The following NOX4 variants were observed in gnomAD, a reference collection of about 807,000 sequenced individuals.
NOX4 encodes NADPH oxidase 4.
NOX4 carries 69 observed loss-of-function variants against 87.6 expected under a neutral mutation model. That is an observed-to-expected ratio of 0.79 (90% CI 0.65 to 0.96). NOX4 has a LOEUF of 0.96. Among genes scored for constraint, NOX4 ranks in the 40% least tolerant of loss-of-function variants. NOX4 has a pLI of 0.00. For missense variants in NOX4, 680 were observed against 681.5 expected (o/e 1.00, Z 0.02); for synonymous variants, 275 against 238.2 (o/e 1.15, Z -1.42).
chr11:89,399,170 T>C (rs1485157886), intron 11 of NOX4, among the ~76,000 whole-genome samples: 11 of 151,626 alleles, frequency 7.3e-5, no homozygotes, highest in Non-Finnish European at 1.3e-4. Flanking sequence ...TCATATTTGA[T>C]GGTGTCCATT....
At chr11:89,396,444 C>T (rs557412170) in intron 11 of NOX4, among the ~76,000 whole-genome samples, 1 of 152,064 alleles carries the variant, frequency 6.6e-6, no homozygotes, top group Non-Finnish European at 1.5e-5. Context: ...ATCATGTTAT[C>T]TGCAAACAGG....
At chr11:89,362,248 T>G (rs1938584302) in intron 12 of NOX4, among the ~76,000 whole-genome samples, 1 of 151,980 alleles carries the variant, frequency 6.6e-6, no homozygotes, top group South Asian at 2.1e-4. Context: ...GATCTCCACT[T>G]TGTACTGAGA....
At chr11:89,385,203 T>C (rs1244441809) in intron 11 of NOX4, among the ~76,000 whole-genome samples, 1 of 152,126 alleles carries the variant, frequency 6.6e-6, no homozygotes, top group Non-Finnish European at 1.5e-5. Context: ...CAGAAATAAG[T>C]TTCCTCACTA....
rs571576669 is a variant in NOX4, at chr11:89,477,627, T to C, written c.153+12831A>G. 3.9e-5 allele frequency among the ~76,000 whole-genome samples: 6 copies of C among 152,314 alleles called. No homozygotes were observed. The South Asian group carries it at 1.2e-3, about 32-fold the overall frequency. On this transcript the variant is annotated intron_variant, in intron 2 of 17. Transcript: ENST00000263317. ...ACAGACCCATGAGGATAGTGTGTTA[T>C]GAACTGAGGTATATGTTTAATTAAA...
intron 11 of NOX4, among the ~76,000 whole-genome samples, chr11:89,380,350 C>G (rs1423459373): frequency 3.3e-5 from 5 of 152,022 alleles, no homozygotes; most frequent in South Asian, 2.1e-4. Context: ...ATTGGTCAAA[C>G]CCATTGAAGA....
At chr11:89,547,882 C>G in the NOX4 span, among the ~76,000 whole-genome samples, 1 of 152,078 alleles carries the variant, frequency 6.6e-6, no homozygotes, top group Non-Finnish European at 1.5e-5. Flanking sequence ...CCCTAGAGCA[C>G]TTTATGCATA....
chr11:89,507,235 T>C, the NOX4 span, among the ~76,000 whole-genome samples: 1 of 151,836 alleles, frequency 6.6e-6, no homozygotes, highest in Non-Finnish European at 1.5e-5. Flanking sequence ...TTATCTTGAT[T>C]GTGGTGATGG....
intron 7 of NOX4, among the ~76,000 whole-genome samples, chr11:89,431,147 G>C (rs1484452455): frequency 6.6e-6 from 1 of 152,196 alleles, no homozygotes; most frequent in Non-Finnish European, 1.5e-5. Context: ...AAACTGGCTA[G>C]TTGTATGTAG....
At chr11:89,392,362 G>A (rs1941192823) in intron 11 of NOX4, among the ~76,000 whole-genome samples, 1 of 152,018 alleles carries the variant, frequency 6.6e-6, no homozygotes. Flanking sequence ...CTTTGCTGTA[G>A]GAGGCAACCC....
the NOX4 span, among the ~76,000 whole-genome samples, chr11:89,508,019 G>A: frequency 5.9e-5 from 9 of 151,792 alleles, no homozygotes; most frequent in African/African-American, 1.7e-4. Flanking sequence ...ATTTTTATAC[G>A]AAGCGCCCAT....
the NOX4 span, among the ~76,000 whole-genome samples, chr11:89,513,545 A>T: frequency 6.6e-6 from 1 of 152,194 alleles, no homozygotes; most frequent in Admixed American, 6.5e-5. Context: ...AATCTTTGCA[A>T]TACAATTGAG....
At chr11:89,399,937 T>C in intron 11 of NOX4, 80 bp downstream of exon 11, 3 of 935,672 alleles carry the variant, frequency 3.2e-6, no homozygotes, top group Non-Finnish European at 5.0e-6. Context: ...GAATACCTTT[T>C]AGAATGAGAC....
intron 13 of NOX4, among the ~76,000 whole-genome samples, chr11:89,353,986 C>G (rs1482710026): frequency 6.6e-6 from 1 of 152,000 alleles, no homozygotes; most frequent in Non-Finnish European, 1.5e-5. Context: ...AATGCACAAG[C>G]AGTATAATTA....
At chr11:89,577,519 CAAAT>C in the NOX4 span, 1 of 152,086 alleles carries the variant, frequency 6.6e-6, no homozygotes, top group Non-Finnish European at 1.5e-5. Flanking sequence ...TGCCATTTGA[CAAAT>C]AACCCAGAAA....
chr11:89,477,826 C>A (rs1224189377), intron 2 of NOX4, among the ~76,000 whole-genome samples: 1 of 151,968 alleles, frequency 6.6e-6, no homozygotes, highest in East Asian at 1.9e-4. Context: ...GAAACCACAG[C>A]CAATTGGAAA....
intron 7 of NOX4, among the ~76,000 whole-genome samples, chr11:89,428,737 G>C (rs1487503162): frequency 6.6e-6 from 1 of 152,150 alleles, no homozygotes; most frequent in African/African-American, 2.4e-5. Context: ...GACCTACAAA[G>C]AGACTTAGAC....
At chr11:89,423,647 T>C (rs1399804578) in intron 7 of NOX4, among the ~76,000 whole-genome samples, 1 of 152,134 alleles carries the variant, frequency 6.6e-6, no homozygotes, top group African/African-American at 2.4e-5. Flanking sequence ...TTGAAATATG[T>C]ACTTGGATGT....
At chr11:89,470,975 G>C (rs1486251561) in intron 2 of NOX4, among the ~76,000 whole-genome samples, 1 of 152,112 alleles carries the variant, frequency 6.6e-6, no homozygotes, top group Non-Finnish European at 1.5e-5. Flanking sequence ...ATAACTACCA[G>C]ATGGACTCTT....
chr11:89,578,832 C>T, the NOX4 span, among the ~76,000 whole-genome samples: 1 of 152,108 alleles, frequency 6.6e-6, no homozygotes, highest in African/African-American at 2.4e-5. Context: ...AAAAACTATG[C>T]CCATACAAGG....
Sources: gnomAD v4.1 joint callset for allele counts (sites outside exome capture counted in the v4.1 genomes callset) on GRCh38, gnomAD v4.1.1 for gene constraint, MANE v1.5 for transcripts, NCBI Gene and HGNC (gene_info 2026-07-23, HGNC 2026-07-21) for gene names.